FAM184B: variants seen among roughly 807,000 people sequenced by gnomAD.
The protein encoded by FAM184B is family with sequence similarity 184 member B.
Under a neutral mutation model 135.9 loss-of-function variants are expected in FAM184B, and 111 were observed. The observed-to-expected ratio is 0.82, with a 90% CI of 0.70 to 0.96. The LOEUF (loss-of-function observed/expected upper bound fraction) is 0.96. Among genes scored for constraint, FAM184B ranks in the 40% least tolerant of loss-of-function variants. The pLI is 0.00. For missense variants in FAM184B, 1,375 were observed against 1,323.9 expected, an observed-to-expected ratio of 1.04 and a Z score of -0.60; for synonymous variants, 552 against 524.8, an observed-to-expected ratio of 1.05 and a Z score of -0.71.
intron 11 of FAM184B, 43 bp downstream of exon 11, chr4:17,652,787 T>C: frequency 6.5e-7 from 1 of 1,527,314 alleles, no homozygotes; most frequent in Non-Finnish European, 8.9e-7. Context: ...ATGCAGACCC[T>C]GCAGTTGGCC....
At chr4:17,638,134 C>CTTTTTTTTTT (rs56926847) in intron 14 of FAM184B, among the ~76,000 whole-genome samples, 20 of 73,404 alleles carry the variant, frequency 2.7e-4, no homozygotes, top group East Asian at 2.1e-3. Context: ...TAACTGTTTG[C>CTTTTTTTTTT]TTTTTTTTTT....
intron 12 of FAM184B, among the ~76,000 whole-genome samples, chr4:17,644,012 A>C (rs929875442): frequency 6.6e-6 from 1 of 152,236 alleles, no homozygotes; most frequent in African/African-American, 2.4e-5. Flanking sequence ...AGAGGGGGCC[A>C]CTGTGTGCCA....
In FAM184B at chr4:17,781,150, C is replaced by T. The variant is rs558727292; in HGVS notation, c.141+9G>A. The T allele has an allele frequency of 2.9e-5, 45 of 1,536,688 alleles. No homozygotes were observed. In the South Asian group the frequency reaches 3.9e-4, roughly 13 times the overall value. On this transcript the variant is annotated intron_variant, in intron 1 of 17. Transcript: ENST00000265018. The surrounding 1 kb of genome is among the most constrained non-coding windows in gnomAD (Gnocchi z 6.5). ...GTGCAGCTCGCTGGCCCGCTGCGCC[C>T]CACCTTACCTTGGTGAGCTGGGCGA...
intron 1 of FAM184B, among the ~76,000 whole-genome samples, chr4:17,731,755 A>G (rs1717781553): frequency 1.3e-5 from 2 of 152,218 alleles, no homozygotes; most frequent in Non-Finnish European, 2.9e-5. Flanking sequence ...CACTGTCAAC[A>G]TTAGACAGAT....
chr4:17,703,947 A>G (rs1338032565), intron 5 of FAM184B, among the ~76,000 whole-genome samples: 1 of 152,060 alleles, frequency 6.6e-6, no homozygotes, highest in African/African-American at 2.4e-5. Flanking sequence ...AAAAAAGCAA[A>G]AAGCAAAAAA....
At chr4:17,670,941 C>T (rs749009780) in intron 7 of FAM184B, among the ~76,000 whole-genome samples, 3 of 152,154 alleles carry the variant, frequency 2.0e-5, no homozygotes, top group Non-Finnish European at 4.4e-5. Flanking sequence ...TGTGCAAATA[C>T]CAAGTATCTG....
chr4:17,677,760 C>CA (rs1395789560), intron 7 of FAM184B, among the ~76,000 whole-genome samples: 1 of 151,972 alleles, frequency 6.6e-6, no homozygotes, highest in Non-Finnish European at 1.5e-5. Context: ...AACATAGATG[C>CA]AAAAATCCTT....
At chr4:17,737,360 AAC>A (rs1371483847) in intron 1 of FAM184B, among the ~76,000 whole-genome samples, 1 of 152,080 alleles carries the variant, frequency 6.6e-6, no homozygotes, top group African/African-American at 2.4e-5. Flanking sequence ...TGATTTTCAG[AAC>A]AGTGTTCTTT....
At chr4:17,671,175 C>A (rs2108947795) in intron 7 of FAM184B, among the ~76,000 whole-genome samples, 1 of 152,218 alleles carries the variant, frequency 6.6e-6, no homozygotes, top group East Asian at 1.9e-4. Context: ...CACACTCTTG[C>A]CAAAGATGCT....
rs1488336478 is a variant in FAM184B, at chr4:17,630,752, G to GTAAGT, written c.*1775_*1779dup. On this transcript the variant is annotated 3_prime_UTR_variant, in exon 18 of 18. Coordinates refer to ENST00000265018, the MANE Select transcript of FAM184B (RefSeq NM_015688.2). ...TAGGCAGTAAATTTACCTTTAATAC[G>GTAAGT]TAAGTTTGACAGTTATATGTAATCA... 6.6e-6 allele frequency: 1 copy of GTAAGT among 150,446 alleles called. No individual in the cohort carries two copies. Among genetic ancestry groups the GTAAGT allele is most frequent in the Non-Finnish European group, 1.5e-5 (1 of 67,764 alleles). 9.3% of individuals were successfully genotyped at this position (150,446 alleles called of 1,614,324 possible). A position where few individuals can be genotyped will look rare whatever the true frequency, so the allele number is the denominator to read the frequency against.
At chr4:17,682,143 G>A (rs1362054442) in intron 7 of FAM184B, among the ~76,000 whole-genome samples, 4 of 152,170 alleles carry the variant, frequency 2.6e-5, no homozygotes, top group South Asian at 4.1e-4. Flanking sequence ...TGGAGAGGGC[G>A]TGGGCAGGTG....
chr4:17,718,792 A>G (rs567402502), intron 1 of FAM184B, among the ~76,000 whole-genome samples: 1 of 152,390 alleles, frequency 6.6e-6, no homozygotes, highest in East Asian at 1.9e-4. Context: ...CAACTGGCTC[A>G]GCCAAACCCA....
At position 17,738,200 on chromosome 4, in the gene FAM184B, G is replaced by A. The variant is rs533673680; in HGVS notation, c.142-28556C>T. Among the ~76,000 whole-genome samples, 8 of 152,162 alleles carry A rather than the reference G, an allele frequency of 5.3e-5. No individual in the cohort carries two copies. The South Asian group carries it at 1.7e-3, about 32-fold the overall frequency. Reference sequence around the variant, plus strand: ...TCTTGGGAATTTATTCATTGGGATGGGAGAGAATTTCTCTCTTGCTTGTTA... The same window carrying A: ...TCTTGGGAATTTATTCATTGGGATGAGAGAGAATTTCTCTCTTGCTTGTTA... On this transcript the variant is annotated intron_variant, in intron 1 of 17. Transcript: ENST00000265018.
chr4:17,719,080 G>C (rs554731561), intron 1 of FAM184B, among the ~76,000 whole-genome samples: 5 of 152,222 alleles, frequency 3.3e-5, no homozygotes, highest in African/African-American at 9.6e-5. Flanking sequence ...CTGTGATAAG[G>C]CTTAATTTAT....
chr4:17,692,512 C>T (rs1716761733), intron 6 of FAM184B, among the ~76,000 whole-genome samples: 1 of 152,240 alleles, frequency 6.6e-6, no homozygotes, highest in Admixed American at 6.5e-5. Flanking sequence ...TCCTTACAGT[C>T]TCTCCCTTCT....
intron 11 of FAM184B, among the ~76,000 whole-genome samples, chr4:17,648,544 G>A (rs929491332): frequency 5.9e-5 from 9 of 151,466 alleles, no homozygotes; most frequent in Non-Finnish European, 8.8e-5. Flanking sequence ...AGTAGAGATG[G>A]GGTTTCACCA....
intron 8 of FAM184B, among the ~76,000 whole-genome samples, chr4:17,663,875 A>T (rs6845288): frequency 0.3 from 45,592 of 151,640 alleles, 7,454 homozygotes; most frequent in Non-Finnish European, 0.37. Context: ...ATGAAATCTG[A>T]TGGTTTTATA....
chr4:17,664,720 C>T, intron 7 of FAM184B, 61 bp from the exon 8 acceptor site: 1 of 1,334,482 alleles, frequency 7.5e-7, no homozygotes, highest in Non-Finnish European at 1.0e-6. Context: ...AGTACAGCTT[C>T]ATGATTCAAC....
intron 7 of FAM184B, among the ~76,000 whole-genome samples, chr4:17,681,090 T>G (rs1716423024): frequency 6.6e-6 from 1 of 152,226 alleles, no homozygotes. Flanking sequence ...TTTCTCCTGT[T>G]CATTACCACA....
Sources: allele counts gnomAD v4.1 joint callset (sites outside exome capture counted in the v4.1 genomes callset), GRCh38; gene constraint gnomAD v4.1.1; non-coding constraint Gnocchi (gnomAD v3.1); transcripts MANE v1.5; gene names NCBI Gene and HGNC (gene_info 2026-07-23, HGNC 2026-07-21).